The following TAFA1 variants were observed in gnomAD, a reference collection of about 807,000 sequenced individuals.
TAFA1 encodes chemokine-like protein TAFA-1.
TAFA1 carries 4 observed loss-of-function variants against 18.5 expected under a neutral mutation model. That is an observed-to-expected ratio of 0.22 (90% CI 0.11 to 0.49). The LOEUF is 0.49. Ranked by LOEUF, TAFA1 falls within the 20% of genes least tolerant of loss-of-function variation. TAFA1 has a pLI of 0.98. For missense variants in TAFA1, 147 were observed against 169.0 expected (o/e 0.87, Z 0.72); for synonymous variants, 56 against 55.2 (o/e 1.01, Z -0.06).
intron 2 of TAFA1, among the ~76,000 whole-genome samples, chr3:68,340,524 A>G (rs547728420): frequency 1.3e-5 from 2 of 152,192 alleles, no homozygotes; most frequent in South Asian, 4.1e-4. Context: ...CTTTAAATAG[A>G]CTCACCATCG....
chr3:68,093,811 A>G (rs2065056007), intron 2 of TAFA1, among the ~76,000 whole-genome samples: 1 of 152,030 alleles, frequency 6.6e-6, no homozygotes. Context: ...GTTTCTTATC[A>G]CCTGGAAGCA....
chr3:68,433,479 C>A (rs888335672), intron 3 of TAFA1, among the ~76,000 whole-genome samples: 1 of 152,076 alleles, frequency 6.6e-6, no homozygotes, highest in Admixed American at 6.6e-5. Flanking sequence ...CTCTTTGGAA[C>A]ACAAATTCCC....
chr3:68,392,039 G>A (rs1449134041), intron 2 of TAFA1, among the ~76,000 whole-genome samples: 1 of 152,070 alleles, frequency 6.6e-6, no homozygotes, highest in Non-Finnish European at 1.5e-5. Context: ...TGGGTTAAAT[G>A]CCCCAATTAA....
chr3:68,338,595 C>T (rs554648173), intron 2 of TAFA1, among the ~76,000 whole-genome samples: 2 of 152,164 alleles, frequency 1.3e-5, no homozygotes, highest in African/African-American at 4.8e-5. Context: ...TATTGTTGTC[C>T]TCTTTTTATA....
the TAFA1 span, among the ~76,000 whole-genome samples, chr3:67,993,877 T>G: frequency 6.6e-6 from 1 of 151,986 alleles, no homozygotes; most frequent in Admixed American, 6.5e-5. Context: ...CGTTCCTATA[T>G]ATAGGGGAGG....
intron 2 of TAFA1, among the ~76,000 whole-genome samples, chr3:68,013,796 C>T (rs911801782): frequency 3.9e-5 from 6 of 152,054 alleles, no homozygotes; most frequent in Non-Finnish European, 8.8e-5. Context: ...TTCTCTTTTC[C>T]CAACTTCATA....
At chr3:68,016,328 AT>A (rs1704569376) in intron 2 of TAFA1, among the ~76,000 whole-genome samples, 1 of 152,052 alleles carries the variant, frequency 6.6e-6, no homozygotes, top group Non-Finnish European at 1.5e-5. Context: ...ATAATACCAT[AT>A]TTTTACCGTA....
At chr3:68,380,073 C>T (rs1417954921) in intron 2 of TAFA1, among the ~76,000 whole-genome samples, 2 of 152,022 alleles carry the variant, frequency 1.3e-5, no homozygotes, top group African/African-American at 2.4e-5. Context: ...CAGTTTCATC[C>T]ATGTCCCTAC....
At chr3:68,345,407 G>A (rs2069149509) in intron 2 of TAFA1, among the ~76,000 whole-genome samples, 1 of 152,116 alleles carries the variant, frequency 6.6e-6, no homozygotes, top group Admixed American at 6.6e-5. Context: ...TTCCATAACA[G>A]AATGCAATTT....
At chr3:67,994,143 T>C in the TAFA1 span, among the ~76,000 whole-genome samples, 1 of 152,194 alleles carries the variant, frequency 6.6e-6, no homozygotes, top group Admixed American at 6.5e-5. Flanking sequence ...ACTATATATT[T>C]CTAGAGAGAG....
At chr3:68,186,840 T>G (rs1446236009) in intron 2 of TAFA1, among the ~76,000 whole-genome samples, 1 of 152,066 alleles carries the variant, frequency 6.6e-6, no homozygotes, top group African/African-American at 2.4e-5. Context: ...GGATGGCCTT[T>G]AATTTCTCAC....
chr3:68,155,187 G>A (rs1429256678), intron 2 of TAFA1, among the ~76,000 whole-genome samples: 1 of 152,072 alleles, frequency 6.6e-6, no homozygotes, highest in African/African-American at 2.4e-5. Flanking sequence ...TCATGACAAG[G>A]ACCCACGTAC....
At position 68,284,720 on chromosome 3, in the gene TAFA1, G is replaced by A. The variant is rs111790485; in HGVS notation, c.119-132560G>A. On this transcript the variant is annotated intron_variant, in intron 2 of 4. Transcript: ENST00000478136. The stretch of plus-strand genomic sequence containing the variant: ...AGGCAAGAGGATCATTTGAGGACAA[G>A]AGTTCAAGACTATCCTGGGCGACAT... 2.5e-3 allele frequency among the ~76,000 whole-genome samples: 378 copies of A among 151,994 alleles called. 1 individual carries two copies. Among genetic ancestry groups the A allele is most frequent in the African/African-American group, 8.1e-3 (337 of 41,454 alleles).
intron 2 of TAFA1, among the ~76,000 whole-genome samples, chr3:68,112,214 A>G (rs1161231008): frequency 1.3e-5 from 2 of 152,198 alleles, no homozygotes; most frequent in African/African-American, 4.8e-5. Flanking sequence ...GAATTACGGG[A>G]CAGGACAATT....
chr3:68,515,341 A>T (rs1017058291), intron 3 of TAFA1, among the ~76,000 whole-genome samples: 1 of 152,200 alleles, frequency 6.6e-6, no homozygotes, highest in Non-Finnish European at 1.5e-5. Context: ...CAGGAGAGGA[A>T]TCATAGTTCT....
chr3:68,434,514 T>A (rs1409581999), intron 3 of TAFA1, among the ~76,000 whole-genome samples: 1 of 152,100 alleles, frequency 6.6e-6, no homozygotes, highest in African/African-American at 2.4e-5. Flanking sequence ...TTTGTGTTCA[T>A]GTGCTGTGAA....
intron 2 of TAFA1, among the ~76,000 whole-genome samples, chr3:68,187,567 T>C (rs1410476902): frequency 6.6e-6 from 1 of 152,020 alleles, no homozygotes; most frequent in East Asian, 1.9e-4. Flanking sequence ...ATTTTAGAAA[T>C]CCTCTGTAAT....
intron 2 of TAFA1, among the ~76,000 whole-genome samples, chr3:68,262,307 G>GTATATA (rs763753757): frequency 7.4e-4 from 24 of 32,240 alleles, no homozygotes; most frequent in East Asian, 1.4e-3. Context: ...GATATGGAGG[G>GTATATA]TATATATATA....
rs181466144 is a variant in TAFA1, at chr3:68,062,865, G to T, written c.118+56121G>T. The stretch of plus-strand genomic sequence containing the variant: ...GAAAGTTACCAATTCCTTTTCTGGG[G>T]AAATAGTGACACCAAAAGCTCTCAA... On this transcript the variant is annotated intron_variant, in intron 2 of 4. Coordinates refer to ENST00000478136, the MANE Select transcript of TAFA1 (RefSeq NM_213609.4). Among the ~76,000 whole-genome samples, 8 of 152,280 alleles carry T rather than the reference G, an allele frequency of 5.3e-5. No individual in the cohort carries two copies. In the East Asian group the frequency reaches 1.5e-3, roughly 29 times the overall value.
Sources: allele counts gnomAD v4.1 joint callset (sites outside exome capture counted in the v4.1 genomes callset), GRCh38; gene constraint gnomAD v4.1.1; transcripts MANE v1.5; gene names NCBI Gene and HGNC (gene_info 2026-07-23, HGNC 2026-07-21).